The following SAMD4A variants were observed in gnomAD, a reference collection of about 807,000 sequenced individuals.
SAMD4A encodes sterile alpha motif domain containing 4A.
SAMD4A carries 33 observed loss-of-function variants against 81.3 expected under a neutral mutation model. The observed-to-expected ratio is 0.41, with a 90% CI of 0.31 to 0.54. The LOEUF is 0.54. SAMD4A is among the 20% of genes least tolerant of loss of function. The pLI, the probability that SAMD4A is intolerant of heterozygous loss-of-function variation, is 0.37. For synonymous variants in SAMD4A, 389 were observed against 382.1 expected (o/e 1.02, Z -0.21); for missense variants, 854 against 951.1 (o/e 0.90, Z 1.34).
In SAMD4A at chr14:54,760,142, T is replaced by C. The variant is rs780114659; in HGVS notation, c.1177-19T>C. Reference sequence around the variant, plus strand: ...TTATTCCTGAGCCTAACAGAGGTCTTCCTGCTCTCACCGTCCAGGACATCA... The same window carrying C: ...TTATTCCTGAGCCTAACAGAGGTCTCCCTGCTCTCACCGTCCAGGACATCA... On this transcript the variant is annotated intron_variant, in intron 6 of 12. Coordinates refer to ENST00000554335, the MANE Select transcript of SAMD4A (RefSeq NM_015589.6). 1 of 1,606,014 alleles carries C rather than the reference T, an allele frequency of 6.2e-7. No individual in the cohort carries two copies. The highest frequency in any genetic ancestry group is 8.5e-7 in the Non-Finnish European group (1 of 1,177,420).
rs190619030 is a variant in SAMD4A at position 54,584,134 on chromosome 14, T to C, written c.196+16022T>C. On this transcript the variant is annotated intron_variant, in intron 2 of 12. Coordinates refer to ENST00000554335, the MANE Select transcript of SAMD4A (RefSeq NM_015589.6). Reference sequence around the variant, plus strand: ...TTCTAGTTTTTTGTTGCTGAACTGCTAAAAGATGGTTCTATACATGTAACA... The same window carrying C: ...TTCTAGTTTTTTGTTGCTGAACTGCCAAAAGATGGTTCTATACATGTAACA... Among the ~76,000 whole-genome samples the C allele has an allele frequency of 5.9e-3, 895 of 152,338 alleles. 18 individuals carry two copies. The highest frequency in any genetic ancestry group is 0.014 in the Middle Eastern group (4 of 292).
At chr14:54,668,284 G>A (rs955130340) in intron 2 of SAMD4A, among the ~76,000 whole-genome samples, 5 of 152,122 alleles carry the variant, frequency 3.3e-5, no homozygotes, top group South Asian at 2.1e-4. Context: ...CTCGAGGGCC[G>A]AGCACAAATT....
At chr14:54,636,155 C>G (rs975664090) in intron 2 of SAMD4A, among the ~76,000 whole-genome samples, 9 of 152,164 alleles carry the variant, frequency 5.9e-5, no homozygotes, top group African/African-American at 2.2e-4. Context: ...TGAGCCTCAG[C>G]TAGAAGGTGG....
intron 12 of SAMD4A, among the ~76,000 whole-genome samples, chr14:54,786,422 C>A (rs1340146512): frequency 6.6e-6 from 1 of 152,224 alleles, no homozygotes; most frequent in East Asian, 1.9e-4. Flanking sequence ...GAATTGTATA[C>A]TTTCAAAGGG....
intron 2 of SAMD4A, among the ~76,000 whole-genome samples, chr14:54,651,424 A>G (rs2035400479): frequency 1.3e-5 from 2 of 152,228 alleles, no homozygotes; most frequent in South Asian, 2.1e-4. Flanking sequence ...TCATACAGTG[A>G]ATAAGTCTCT....
At chr14:54,715,940 ATG>A (rs1303169952) in intron 3 of SAMD4A, among the ~76,000 whole-genome samples, 1 of 152,112 alleles carries the variant, frequency 6.6e-6, no homozygotes, top group Non-Finnish European at 1.5e-5. Flanking sequence ...ACAGTTATAA[ATG>A]TGGATTCTAA....
At chr14:54,591,270 AC>A (rs2033767273) in intron 2 of SAMD4A, among the ~76,000 whole-genome samples, 1 of 152,162 alleles carries the variant, frequency 6.6e-6, no homozygotes, top group South Asian at 2.1e-4. Flanking sequence ...CTCTAGGGGT[AC>A]TTTAGAAATT....
At chr14:54,696,435 C>T (rs1345905078) in intron 2 of SAMD4A, among the ~76,000 whole-genome samples, 1 of 152,248 alleles carries the variant, frequency 6.6e-6, no homozygotes, top group Non-Finnish European at 1.5e-5. Context: ...CCTTTTAGCA[C>T]ATTTATTTCA....
At chr14:54,693,433 A>G (rs1230796219) in intron 2 of SAMD4A, 2 of 152,256 alleles carry the variant, frequency 1.3e-5, no homozygotes, top group South Asian at 2.1e-4. Flanking sequence ...GCAGTGCCTC[A>G]TGCCTGTAAT....
intron 2 of SAMD4A, among the ~76,000 whole-genome samples, chr14:54,648,884 C>T (rs2035343510): frequency 6.6e-6 from 1 of 152,130 alleles, no homozygotes; most frequent in Non-Finnish European, 1.5e-5. Context: ...TAGGTTGTTT[C>T]AGTACACCAG....
At chr14:54,681,744 TTTTTA>T in intron 2 of SAMD4A, 1 of 979,886 alleles carries the variant, frequency 1.0e-6, no homozygotes, top group Non-Finnish European at 1.2e-6. Flanking sequence ...TTAGAAAACT[TTTTTA>T]TTTTAATTAG....
At chr14:54,663,357 G>A (rs771763236) in intron 2 of SAMD4A, among the ~76,000 whole-genome samples, 47 of 152,088 alleles carry the variant, frequency 3.1e-4, no homozygotes, top group African/African-American at 8.9e-4. Flanking sequence ...ATGATAGACC[G>A]CGGTCTAAAG....
chr14:54,792,485 T>G lies in SAMD4A; in HGVS notation c.*3541T>G, dbSNP rs911615. The G allele has an allele frequency of 0.68, 102,720 of 152,058 alleles. 35,028 individuals carry two copies. Among genetic ancestry groups the G allele is most frequent in the African/African-American group, 0.75 (31,174 of 41,408 alleles). The allele number at this position is 152,058 out of a possible 1,614,324, so 9.4% of individuals were successfully genotyped here. A position where few individuals can be genotyped will look rare whatever the true frequency, so the allele number is the denominator to read the frequency against. ...ATGTTATTCCCCAGGAGCCTGGGCT[T>G]GGGGGCTGAGCTGGGCTGAATGCAA... On this transcript the variant is annotated 3_prime_UTR_variant, in exon 13 of 13. Transcript: ENST00000554335.
At chr14:54,592,625 A>C (rs547430612) in intron 2 of SAMD4A, among the ~76,000 whole-genome samples, 4 of 152,102 alleles carry the variant, frequency 2.6e-5, no homozygotes, top group Admixed American at 2.6e-4. Flanking sequence ...ACGCCTGGCT[A>C]ATTTTTTGTA....
rs761313651 is a variant in SAMD4A at position 54,760,422 on chromosome 14, G to A, written c.1438G>A (p.Asp480Asn). 55 of 1,446,412 alleles carry A rather than the reference G, an allele frequency of 3.8e-5. No individual in the cohort carries two copies. Among genetic ancestry groups the A allele is most frequent in the Admixed American group, 1.2e-4 (4 of 33,412 alleles). 89.6% of individuals were successfully genotyped at this position (1,446,412 alleles called of 1,614,324 possible). The change falls in exon 7 of 13, where the codon GAT (aspartate) becomes AAT (asparagine). Residue 480 changes from aspartate (D) to asparagine (N), a missense_variant. Physicochemically the swap from Asp to Asn is conservative, Grantham distance 23. Transcript: ENST00000554335. ...CCAGCCGCACCAGCTGAGCAGCTGCGATGGGGAGCTGGCCGTCGCCCCCCT... is the reference window on the plus strand; with the variant it reads ...CCAGCCGCACCAGCTGAGCAGCTGCAATGGGGAGCTGGCCGTCGCCCCCCT... ...GLQPHQLSSC[D>N]GELAVAPLPE... is the part of the protein sequence containing the mutation.
chr14:54,701,569 A>G (rs2036716891), intron 2 of SAMD4A, among the ~76,000 whole-genome samples: 1 of 152,190 alleles, frequency 6.6e-6, no homozygotes, highest in Non-Finnish European at 1.5e-5. Flanking sequence ...TTCTCCATCT[A>G]GGAAGTTTTT....
Position 54,592,280 on chromosome 14 carries a change from T to G in SAMD4A, c.196+24168T>G, listed in dbSNP as rs989050897. Among the ~76,000 whole-genome samples, 14 of 152,288 alleles carry G rather than the reference T, an allele frequency of 9.2e-5. No individual in the cohort carries two copies. In the East Asian group the frequency reaches 2.1e-3, roughly 23 times the overall value. ...AAATGGTTTGTAAGCTCCTTTCCTG[T>G]GGTAAACTTGTCTTAGTCTTCTTTT... is the stretch of plus-strand genomic sequence containing the variant. On this transcript the variant is annotated intron_variant, in intron 2 of 12. Transcript: ENST00000554335.
At chr14:54,779,227 A>T (rs2038938361) in intron 11 of SAMD4A, among the ~76,000 whole-genome samples, 1 of 152,226 alleles carries the variant, frequency 6.6e-6, no homozygotes. Context: ...CTAGACTACA[A>T]ATATCATGTC....
chr14:54,613,356 A>G (rs1383239026), intron 2 of SAMD4A, among the ~76,000 whole-genome samples: 1 of 152,152 alleles, frequency 6.6e-6, no homozygotes, highest in East Asian at 1.9e-4. Context: ...TGAAGCAGGT[A>G]GCAGGTATCA....
Sources: allele counts gnomAD v4.1 joint callset (sites outside exome capture counted in the v4.1 genomes callset), GRCh38; gene constraint gnomAD v4.1.1; transcripts MANE v1.5; gene names NCBI Gene and HGNC (gene_info 2026-07-23, HGNC 2026-07-21).